Variants in CALN1 observed in about 807,000 individuals in gnomAD.
The protein encoded by CALN1 is calcium-binding protein 8.
Under a neutral mutation model 30.6 loss-of-function variants are expected in CALN1, and 17 were observed. That is an observed-to-expected ratio of 0.56 (90% CI 0.38 to 0.83). The LOEUF (loss-of-function observed/expected upper bound fraction) is 0.83, where lower values mean the gene tolerates loss of function less well. Among genes scored for constraint, CALN1 ranks in the 40% least tolerant of loss-of-function variants. The probability of loss-of-function intolerance (pLI) is 0.00; values close to 1 mark genes in which losing one functional copy is unlikely to be tolerated. For synonymous variants in CALN1, 156 were observed against 131.4 expected (o/e 1.19, Z -1.28); for missense variants, 291 against 354.9 (o/e 0.82, Z 1.45).
intron 5 of CALN1, among the ~76,000 whole-genome samples, chr7:71,879,550 C>T (rs936957376): frequency 6.6e-6 from 1 of 152,228 alleles, no homozygotes; most frequent in African/African-American, 2.4e-5. Flanking sequence ...GACCTGTCCC[C>T]TCCTGTTGTT....
rs1554334867 is a variant in CALN1 at position 71,782,917 on chromosome 7, A to AC, written c.*4857_*4858insG. 1.4e-5 allele frequency: 2 copies of AC among 142,726 alleles called. No homozygotes were observed. The highest frequency in any genetic ancestry group is 5.1e-5 in the African/African-American group (2 of 38,990). The allele number at this position is 142,726 out of a possible 1,614,324, so 8.8% of individuals were successfully genotyped here. On this transcript the variant is annotated 3_prime_UTR_variant, in exon 7 of 7. Transcript: ENST00000395275. The stretch of plus-strand genomic sequence containing the variant: ...GACACCATGCTTGGCTAATTTTTGT[A>AC]TTTTTTTTTTTTAGTAGAGATGGGG...
At chr7:72,213,906 G>A (rs532448271) in intron 3 of CALN1, among the ~76,000 whole-genome samples, 1 of 152,268 alleles carries the variant, frequency 6.6e-6, no homozygotes, top group African/African-American at 2.4e-5. Flanking sequence ...GAGAGACCAG[G>A]GCTACGAGGC....
At chr7:72,112,492 T>C (rs1221811263) in intron 3 of CALN1, among the ~76,000 whole-genome samples, 1 of 152,194 alleles carries the variant, frequency 6.6e-6, no homozygotes, top group African/African-American at 2.4e-5. Context: ...TGGAGAAAGA[T>C]GCAGTTCAGC....
At chr7:72,111,897 C>T (rs1421961612) in intron 3 of CALN1, among the ~76,000 whole-genome samples, 1 of 151,942 alleles carries the variant, frequency 6.6e-6, no homozygotes, top group Admixed American at 6.6e-5. Flanking sequence ...ATTACAGGCG[C>T]CCACCATCAC....
At chr7:72,010,160 T>TCCTA (rs1799990873) in intron 5 of CALN1, among the ~76,000 whole-genome samples, 1 of 152,238 alleles carries the variant, frequency 6.6e-6, no homozygotes, top group East Asian at 1.9e-4. Context: ...TATACTGAAA[T>TCCTA]CCTAACCCCC....
intron 5 of CALN1, among the ~76,000 whole-genome samples, chr7:71,831,956 T>G (rs1331102935): frequency 1.4e-5 from 2 of 141,776 alleles, no homozygotes; most frequent in Admixed American, 1.4e-4. Context: ...CACAAAAATA[T>G]GCAAAGTAAT....
chr7:72,380,437 A>C (rs1286223198), intron 2 of CALN1, among the ~76,000 whole-genome samples: 1 of 152,204 alleles, frequency 6.6e-6, no homozygotes, highest in Non-Finnish European at 1.5e-5. Flanking sequence ...TGCCTGGACA[A>C]CATAGCAAGA....
At chr7:72,221,045 C>T (rs1002865403) in intron 3 of CALN1, among the ~76,000 whole-genome samples, 4 of 152,048 alleles carry the variant, frequency 2.6e-5, no homozygotes, top group African/African-American at 7.2e-5. Flanking sequence ...CTCTTTAGTT[C>T]AATTAGATCC....
At chr7:72,129,643 A>G (rs536038877) in intron 3 of CALN1, among the ~76,000 whole-genome samples, 15 of 152,308 alleles carry the variant, frequency 9.8e-5, no homozygotes, top group Non-Finnish European at 1.6e-4. Flanking sequence ...ATATAGGAAG[A>G]AGGAGGGTTG....
At chr7:72,288,885 G>A (rs1483764228) in intron 2 of CALN1, among the ~76,000 whole-genome samples, 2 of 152,044 alleles carry the variant, frequency 1.3e-5, no homozygotes, top group Non-Finnish European at 2.9e-5. Context: ...CGATACTTAT[G>A]TAAACTTTTC....
chr7:72,097,647 CAAA>C (rs10711051), intron 4 of CALN1, among the ~76,000 whole-genome samples: 12 of 130,260 alleles, frequency 9.2e-5, no homozygotes, highest in East Asian at 4.4e-4. Flanking sequence ...TATGTCTACC[CAAA>C]AAAAAAAAAA....
At chr7:72,197,635 G>GGAGT (rs1791127014) in intron 3 of CALN1, among the ~76,000 whole-genome samples, 20 of 152,178 alleles carry the variant, frequency 1.3e-4, no homozygotes, top group Admixed American at 1.0e-3. Flanking sequence ...TTCAAGACCA[G>GGAGT]CCTAGACAAC....
intron 3 of CALN1, among the ~76,000 whole-genome samples, chr7:72,198,819 G>C (rs1035168671): frequency 6.6e-6 from 1 of 152,126 alleles, no homozygotes; most frequent in Admixed American, 6.5e-5. Context: ...CTTTCATTTG[G>C]GATGGGAAGA....
intron 2 of CALN1, among the ~76,000 whole-genome samples, chr7:72,364,064 T>TAAA (rs140134497): frequency 7.4e-5 from 11 of 148,796 alleles, no homozygotes; most frequent in African/African-American, 2.5e-4. Context: ...AAAATTGCAG[T>TAAA]AAAAAAAAAA....
chr7:71,974,600 C>T (rs546226397), intron 5 of CALN1, among the ~76,000 whole-genome samples: 1 of 152,160 alleles, frequency 6.6e-6, no homozygotes, highest in East Asian at 1.9e-4. Flanking sequence ...AGATTCTGGG[C>T]AGAAAGCAGT....
At chr7:72,392,143 C>G (rs1204647117) in intron 2 of CALN1, among the ~76,000 whole-genome samples, 1 of 152,162 alleles carries the variant, frequency 6.6e-6, no homozygotes, top group Non-Finnish European at 1.5e-5. Flanking sequence ...CATGGCAAAA[C>G]CATATGTAGA....
At chr7:71,899,068 A>G (rs928402993) in intron 5 of CALN1, among the ~76,000 whole-genome samples, 3 of 152,062 alleles carry the variant, frequency 2.0e-5, no homozygotes, top group African/African-American at 4.8e-5. Flanking sequence ...CTAAAATATA[A>G]AGAAAAATTC....
chr7:72,237,878 A>G (rs1794573713), intron 3 of CALN1, among the ~76,000 whole-genome samples: 1 of 152,220 alleles, frequency 6.6e-6, no homozygotes, highest in Admixed American at 6.5e-5. Flanking sequence ...GTTACCATGG[A>G]AAATGGAAGT....
At chr7:72,249,954 A>G (rs796925116) in intron 3 of CALN1, among the ~76,000 whole-genome samples, 9 of 150,138 alleles carry the variant, frequency 6.0e-5, no homozygotes, top group African/African-American at 2.2e-4. Flanking sequence ...ACCAAAAAAA[A>G]AAAAAAGAGA....
Sources: allele counts gnomAD v4.1 joint callset (sites outside exome capture counted in the v4.1 genomes callset), GRCh38; gene constraint gnomAD v4.1.1; transcripts MANE v1.5; gene names NCBI Gene and HGNC (gene_info 2026-07-23, HGNC 2026-07-21).